PID1: variants seen among roughly 807,000 people sequenced by gnomAD.
The protein encoded by PID1 is PTB-containing, cubilin and LRP1-interacting protein.
PID1 carries 10 observed loss-of-function variants against 19.1 expected under a neutral mutation model. The ratio of observed to expected loss-of-function variants is 0.52; its 90% CI spans 0.32 to 0.89. PID1 has a LOEUF of 0.89. Among genes scored for constraint, PID1 ranks in the 40% least tolerant of loss-of-function variants. PID1 has a pLI of 0.03. For missense variants in PID1, 248 were observed against 285.3 expected (o/e 0.87, Z 0.94); for synonymous variants, 130 against 116.0 (o/e 1.12, Z -0.78).
chr2:229,139,111 G>GAA (rs1689947885), intron 2 of PID1, among the ~76,000 whole-genome samples: 1 of 72,148 alleles, frequency 1.4e-5, no homozygotes, highest in African/African-American at 7.2e-5. Flanking sequence ...AAGAAAGAAA[G>GAA]AAAGAGAAAG....
rs545991766 is a variant in PID1 at position 229,234,574 on chromosome 2, T to A, written c.30+36440A>T. 1.9e-4 allele frequency among the ~76,000 whole-genome samples: 29 copies of A among 152,308 alleles called. 1 individual carries two copies. The South Asian group carries it at 5.2e-3, about 27-fold the overall frequency. On this transcript the variant is annotated intron_variant, in intron 1 of 2. Coordinates refer to ENST00000392055, the MANE Select transcript of PID1 (RefSeq NM_001100818.2). ...TAAGATCCATTTGGGGCTTCTGACT[T>A]CAAAATCAGTAAAATCATAAATCTG...
intron 1 of PID1, among the ~76,000 whole-genome samples, chr2:229,206,623 A>T (rs1191631671): frequency 1.3e-5 from 2 of 152,226 alleles, no homozygotes; most frequent in Admixed American, 1.3e-4. Context: ...GTGACATCAT[A>T]AGTTAAATAA....
At chr2:229,048,466 T>C (rs1693927131) in intron 2 of PID1, among the ~76,000 whole-genome samples, 1 of 152,114 alleles carries the variant, frequency 6.6e-6, no homozygotes, top group Admixed American at 6.5e-5. Context: ...CTCTCACAAA[T>C]CCCTCTCCTT....
At chr2:229,146,915 C>A (rs1690147448) in intron 2 of PID1, among the ~76,000 whole-genome samples, 1 of 152,096 alleles carries the variant, frequency 6.6e-6, no homozygotes, top group Non-Finnish European at 1.5e-5. Flanking sequence ...ATGGATTGTC[C>A]CCCTAGAGCC....
rs975267255 is a variant in PID1 at position 229,271,149 on chromosome 2, G to A, written c.-106C>T. On this transcript the variant is annotated 5_prime_UTR_variant, in exon 1 of 3. Coordinates refer to ENST00000392055, the MANE Select transcript of PID1 (RefSeq NM_001100818.2). ...TTACATCTGGGGTCGGTGTCCGCGG[G>A]ATGTGCGTCCTGGCGCTGGCCACCG... is the stretch of plus-strand genomic sequence containing the variant. 339 of 1,306,302 alleles carry A rather than the reference G, an allele frequency of 2.6e-4. No individual in the cohort carries two copies. The highest frequency in any genetic ancestry group is 3.5e-4 in the Non-Finnish European group (332 of 946,712). 80.9% of individuals were successfully genotyped at this position (1,306,302 alleles called of 1,614,324 possible). A position where few individuals can be genotyped will look rare whatever the true frequency, so the allele number is the denominator to read the frequency against.
At chr2:229,257,935 C>T (rs1690347895) in intron 1 of PID1, among the ~76,000 whole-genome samples, 1 of 152,214 alleles carries the variant, frequency 6.6e-6, no homozygotes, top group African/African-American at 2.4e-5. Context: ...TCAAGACCCA[C>T]TAATGGTTTT....
chr2:229,171,089 G>C (rs1289332904), intron 1 of PID1, among the ~76,000 whole-genome samples: 1 of 152,218 alleles, frequency 6.6e-6, no homozygotes, highest in Non-Finnish European at 1.5e-5. Flanking sequence ...GACAGTATCA[G>C]AGTGAATACC....
intron 2 of PID1, among the ~76,000 whole-genome samples, chr2:229,097,439 G>A (rs1174435758): frequency 6.6e-6 from 1 of 152,154 alleles, no homozygotes; most frequent in Admixed American, 6.6e-5. Context: ...TTGCAGTAAG[G>A]AGGGAAACTA....
At chr2:229,182,585 C>A (rs1380706932) in intron 1 of PID1, among the ~76,000 whole-genome samples, 1 of 152,176 alleles carries the variant, frequency 6.6e-6, no homozygotes, top group Non-Finnish European at 1.5e-5. Flanking sequence ...TTCAACCAGA[C>A]AGGGACCTCA....
At chr2:229,153,567 C>T (rs116426008) in intron 2 of PID1, among the ~76,000 whole-genome samples, 4,825 of 152,238 alleles carry the variant, frequency 0.032, 263 homozygotes, top group African/African-American at 0.11. Flanking sequence ...CTCTTTGGCA[C>T]ACTCTTCTGA....
intron 2 of PID1, among the ~76,000 whole-genome samples, chr2:229,124,313 C>T (rs1319273): frequency 0.54 from 81,609 of 151,938 alleles, 22,767 homozygotes; most frequent in Admixed American, 0.64. Context: ...CTTCCCACAA[C>T]CTGGGATAAC....
At position 229,183,979 on chromosome 2, in the gene PID1, CATATGTATGTATATAT is replaced by C. The variant is rs1276576233; in HGVS notation, c.31-28031_31-28016del. On this transcript the variant is annotated intron_variant, in intron 1 of 2. Transcript: ENST00000392055. ...CTATATATATCCCATATATATATCC[CATATGTATGTATATAT>C]CCCATATATATATCCCATATGTATG... 2.6e-4 allele frequency among the ~76,000 whole-genome samples: 14 copies of C among 53,446 alleles called. 2 individuals are homozygous for C. The highest frequency in any genetic ancestry group is 2.4e-3 in the South Asian group (2 of 840). 35.1% of individuals were successfully genotyped at this position (53,446 alleles called of 152,430 possible).
chr2:229,112,357 C>A (rs1395174356), intron 2 of PID1, among the ~76,000 whole-genome samples: 2 of 152,180 alleles, frequency 1.3e-5, no homozygotes, highest in Admixed American at 6.5e-5. Flanking sequence ...GTAACTTACA[C>A]CATCATTGGA....
At chr2:229,140,718 A>AG in intron 2 of PID1, among the ~76,000 whole-genome samples, 2 of 152,200 alleles carry the variant, frequency 1.3e-5, no homozygotes, top group African/African-American at 2.4e-5. Flanking sequence ...AACAAGATAT[A>AG]CATACAATAT....
chr2:229,262,555 A>G (rs1690487032), intron 1 of PID1: 1 of 1,358,160 alleles, frequency 7.4e-7, no homozygotes, highest in African/African-American at 1.5e-5. Context: ...TACCTACATC[A>G]CAGAAGTAGA....
intron 2 of PID1, among the ~76,000 whole-genome samples, chr2:229,106,077 C>CAAATAAAAAAA (rs1553562804): frequency 1.6e-5 from 2 of 122,158 alleles, no homozygotes; most frequent in Non-Finnish European, 3.3e-5. Flanking sequence ...GAGATTCCGT[C>CAAATAAAAAAA]AAAAAAAAAA....
chr2:229,264,776 C>T (rs1363055706), intron 1 of PID1, among the ~76,000 whole-genome samples: 4 of 152,152 alleles, frequency 2.6e-5, no homozygotes, highest in African/African-American at 4.8e-5. Flanking sequence ...CAACTTTGAA[C>T]AATAAGGAAT....
intron 2 of PID1, among the ~76,000 whole-genome samples, chr2:229,126,265 G>A (rs1695620507): frequency 6.6e-6 from 1 of 152,110 alleles, no homozygotes; most frequent in South Asian, 2.1e-4. Context: ...GGAGAAAGAG[G>A]AATTCTTAAA....
intron 2 of PID1, among the ~76,000 whole-genome samples, chr2:229,145,167 ATAT>A (rs1282159058): frequency 6.8e-6 from 1 of 146,134 alleles, no homozygotes; most frequent in Admixed American, 6.8e-5. Context: ...ATATATATAT[ATAT>A]ATATATATAT....
Sources: gnomAD v4.1 joint callset for allele counts (sites outside exome capture counted in the v4.1 genomes callset) on GRCh38, gnomAD v4.1.1 for gene constraint, MANE v1.5 for transcripts, NCBI Gene and HGNC (gene_info 2026-07-23, HGNC 2026-07-21) for gene names.